Variants in SCHIP1 observed in about 807,000 individuals in gnomAD.
SCHIP1 encodes schwannomin interacting protein 1, also known as schwannomin-interacting protein 1.
In SCHIP1, 8 loss-of-function variants were observed where a neutral mutation model predicts 29.7. The ratio of observed to expected loss-of-function variants is 0.27; its 90% CI spans 0.16 to 0.49. The LOEUF (loss-of-function observed/expected upper bound fraction) is 0.49. Among genes scored for constraint, SCHIP1 ranks in the 20% least tolerant of loss-of-function variants. The pLI is 0.99. For missense variants in SCHIP1, 193 were observed against 294.6 expected, an observed-to-expected ratio of 0.66 and a Z score of 2.52; for synonymous variants, 76 against 94.9, an observed-to-expected ratio of 0.80 and a Z score of 1.16.
At chr3:159,764,571 G>C in the SCHIP1 span, 2 of 1,604,722 alleles carry the variant, frequency 1.2e-6, no homozygotes, top group South Asian at 2.2e-5. This position sits in a 1 kb window ranked among gnomAD's most constrained non-coding sequence, Gnocchi z 6.1. Context: ...CATCGTCGCC[G>C]GGGGGCAGCC....
chr3:159,639,932 C>G, the SCHIP1 span, among the ~76,000 whole-genome samples: 1 of 152,060 alleles, frequency 6.6e-6, no homozygotes, highest in Non-Finnish European at 1.5e-5. Context: ...TGGTTCTGTG[C>G]CAGAAAAGAA....
At chr3:159,749,340 C>A in the SCHIP1 span, among the ~76,000 whole-genome samples, 1 of 151,572 alleles carries the variant, frequency 6.6e-6, no homozygotes, top group Non-Finnish European at 1.5e-5. Context: ...CAAAGTGAGA[C>A]CCCCATCTCG....
the SCHIP1 span, among the ~76,000 whole-genome samples, chr3:159,429,224 GA>G: frequency 0.63 from 89,054 of 141,702 alleles, 27,699 homozygotes; most frequent in Non-Finnish European, 0.68. Flanking sequence ...AATGACATAA[GA>G]AAAAAAAAAA....
the SCHIP1 span, among the ~76,000 whole-genome samples, chr3:159,569,123 T>C: frequency 6.6e-6 from 1 of 152,170 alleles, no homozygotes; most frequent in Non-Finnish European, 1.5e-5. Context: ...TTTAAATGTG[T>C]CCCTCATAAG....
the SCHIP1 span, among the ~76,000 whole-genome samples, chr3:159,692,896 G>A: frequency 1.3e-5 from 2 of 152,094 alleles, no homozygotes; most frequent in Admixed American, 6.5e-5. Flanking sequence ...AAAAAATGTG[G>A]GACCCATAGA....
At chr3:159,732,820 T>G in the SCHIP1 span, among the ~76,000 whole-genome samples, 22 of 152,234 alleles carry the variant, frequency 1.4e-4, no homozygotes, top group Non-Finnish European at 2.8e-4. Context: ...CTGCAAGTGC[T>G]GAAGGCTTTC....
At chr3:159,817,025 CTTTG>C in the SCHIP1 span, among the ~76,000 whole-genome samples, 1 of 152,082 alleles carries the variant, frequency 6.6e-6, no homozygotes. Context: ...TAGTATAATT[CTTTG>C]TTTATGTGTC....
chr3:159,610,731 T>C, the SCHIP1 span, among the ~76,000 whole-genome samples: 1 of 152,068 alleles, frequency 6.6e-6, no homozygotes, highest in Non-Finnish European at 1.5e-5. Context: ...TGGTATAGAA[T>C]GGTATTAAAA....
At chr3:159,825,468 GA>G in the SCHIP1 span, among the ~76,000 whole-genome samples, 1 of 152,198 alleles carries the variant, frequency 6.6e-6, no homozygotes, top group African/African-American at 2.4e-5. Flanking sequence ...TAGCATCCAG[GA>G]AAGCTTCATT....
the SCHIP1 span, among the ~76,000 whole-genome samples, chr3:159,591,488 A>C: frequency 1.3e-5 from 2 of 152,348 alleles, no homozygotes; most frequent in African/African-American, 4.8e-5. Flanking sequence ...TTGCAGCACT[A>C]TTTACAATAG....
the SCHIP1 span, among the ~76,000 whole-genome samples, chr3:159,569,890 G>A: frequency 2.0e-5 from 3 of 152,162 alleles, no homozygotes; most frequent in Non-Finnish European, 4.4e-5. Flanking sequence ...TCTCAGTGTG[G>A]TTTTGATTTG....
the SCHIP1 span, among the ~76,000 whole-genome samples, chr3:159,428,365 C>G: frequency 6.6e-6 from 1 of 150,664 alleles, no homozygotes; most frequent in Non-Finnish European, 1.5e-5. Flanking sequence ...AACAAACAAC[C>G]CCATCAAAAA....
chr3:159,291,696 T>C, the SCHIP1 span, among the ~76,000 whole-genome samples: 1 of 152,258 alleles, frequency 6.6e-6, no homozygotes, highest in Non-Finnish European at 1.5e-5. Context: ...ATCACCACAG[T>C]ACATATCCCT....
the SCHIP1 span, among the ~76,000 whole-genome samples, chr3:159,644,596 C>G: frequency 2.6e-4 from 40 of 152,220 alleles, no homozygotes; most frequent in African/African-American, 9.6e-4. Flanking sequence ...AAATGCTCAT[C>G]TCACATTGAT....
At chr3:159,728,417 T>C in the SCHIP1 span, among the ~76,000 whole-genome samples, 1 of 152,172 alleles carries the variant, frequency 6.6e-6, no homozygotes, top group Non-Finnish European at 1.5e-5. Context: ...AAGACCAGTC[T>C]AGAGGGTGCT....
the SCHIP1 span, among the ~76,000 whole-genome samples, chr3:159,445,138 G>A: frequency 6.6e-5 from 10 of 152,094 alleles, no homozygotes; most frequent in African/African-American, 2.4e-4. Flanking sequence ...CTGACAAAGG[G>A]CTAATATCCA....
intron 1 of SCHIP1, chr3:159,853,398 G>A (rs1482549595): frequency 4.3e-6 from 3 of 698,148 alleles, no homozygotes; most frequent in Non-Finnish European, 7.8e-6. Context: ...GGACAGTGAT[G>A]GAATGGATGA....
At chr3:159,712,274 C>A in the SCHIP1 span, among the ~76,000 whole-genome samples, 4 of 152,256 alleles carry the variant, frequency 2.6e-5, no homozygotes, top group African/African-American at 7.2e-5. Flanking sequence ...TGGGGAGTGA[C>A]AATATGTAGA....
the SCHIP1 span, among the ~76,000 whole-genome samples, chr3:159,390,422 T>A: frequency 6.6e-6 from 1 of 152,102 alleles, no homozygotes; most frequent in Non-Finnish European, 1.5e-5. Flanking sequence ...CTGTTATACA[T>A]GAAAACAAGA....
Sources: gnomAD v4.1 joint callset for allele counts (sites outside exome capture counted in the v4.1 genomes callset) on GRCh38, gnomAD v4.1.1 for gene constraint, Gnocchi (gnomAD v3.1) non-coding constraint, MANE v1.5 for transcripts, NCBI Gene and HGNC (gene_info 2026-07-23, HGNC 2026-07-21) for gene names.